Variants in BRINP1 observed in about 807,000 individuals in gnomAD.
BRINP1 encodes BMP/retinoic acid inducible neural specific 1.
In BRINP1, 17 loss-of-function variants were observed where a neutral mutation model predicts 72.9. That is an observed-to-expected ratio of 0.23 (90% CI 0.16 to 0.35). The LOEUF (loss-of-function observed/expected upper bound fraction) is 0.35. BRINP1 is among the 10% of genes least tolerant of loss of function. The probability of loss-of-function intolerance (pLI) is 1.00; values close to 1 mark genes in which losing one functional copy is unlikely to be tolerated. For missense variants in BRINP1, 850 were observed against 1,001.6 expected, an observed-to-expected ratio of 0.85 and a Z score of 2.04; for synonymous variants, 418 against 378.5, an observed-to-expected ratio of 1.10 and a Z score of -1.21.
At chr9:119,314,801 T>C (rs10984476) in intron 1 of BRINP1, among the ~76,000 whole-genome samples, 38,714 of 152,096 alleles carry the variant, frequency 0.25, 5,915 homozygotes, top group Non-Finnish European at 0.33. Context: ...TGGTTAATAA[T>C]AGCACCTACA....
At chr9:119,356,317 G>T (rs1426560465) in intron 1 of BRINP1, among the ~76,000 whole-genome samples, 1 of 152,108 alleles carries the variant, frequency 6.6e-6, no homozygotes, top group Non-Finnish European at 1.5e-5. Flanking sequence ...AGGCCATCTG[G>T]TCCACATGCA....
intron 7 of BRINP1, among the ~76,000 whole-genome samples, chr9:119,199,420 C>G (rs1264333975): frequency 2.0e-5 from 3 of 152,110 alleles, no homozygotes; most frequent in African/African-American, 7.2e-5. Flanking sequence ...ATGTTAAAAG[C>G]TGACATGAGT....
At chr9:119,232,290 C>A (rs1476149010) in intron 5 of BRINP1, among the ~76,000 whole-genome samples, 1 of 152,184 alleles carries the variant, frequency 6.6e-6, no homozygotes, top group Non-Finnish European at 1.5e-5. Flanking sequence ...CCACTGTGTT[C>A]TCTCACCTGG....
At chr9:119,174,830 A>T (rs1244838897) in intron 7 of BRINP1, among the ~76,000 whole-genome samples, 1 of 151,434 alleles carries the variant, frequency 6.6e-6, no homozygotes, top group Non-Finnish European at 1.5e-5. Context: ...ACATGGATGA[A>T]ATTGGAAATC....
At chr9:119,317,318 AG>A (rs1831135079) in intron 1 of BRINP1, among the ~76,000 whole-genome samples, 1 of 152,164 alleles carries the variant, frequency 6.6e-6, no homozygotes. Context: ...AATGATCATG[AG>A]GGGTTCAAGA....
chr9:119,307,133 G>T (rs529578979), intron 2 of BRINP1, among the ~76,000 whole-genome samples: 6 of 151,472 alleles, frequency 4.0e-5, no homozygotes, highest in Admixed American at 2.0e-4. Context: ...ATCCCTGCTT[G>T]CTACCCACGA....
intron 7 of BRINP1, among the ~76,000 whole-genome samples, chr9:119,175,222 A>G (rs1311309253): frequency 2.6e-5 from 4 of 152,156 alleles, no homozygotes; most frequent in Non-Finnish European, 4.4e-5. Flanking sequence ...TTGCACGGAC[A>G]TGGATTAAGC....
chr9:119,206,661 A>G (rs1829858615), intron 7 of BRINP1, among the ~76,000 whole-genome samples: 1 of 152,128 alleles, frequency 6.6e-6, no homozygotes, highest in Non-Finnish European at 1.5e-5. Context: ...TATGGCAACC[A>G]TCATAAACTA....
chr9:119,252,188 G>A (rs768720023), intron 2 of BRINP1, among the ~76,000 whole-genome samples: 3 of 152,104 alleles, frequency 2.0e-5, no homozygotes, highest in Non-Finnish European at 4.4e-5. Context: ...AACAGCTTCC[G>A]AGGAAATGAG....
intron 7 of BRINP1, among the ~76,000 whole-genome samples, chr9:119,170,227 C>G (rs1382024262): frequency 6.6e-6 from 1 of 151,706 alleles, no homozygotes; most frequent in Non-Finnish European, 1.5e-5. Flanking sequence ...AAGTTGAAAA[C>G]TTTAAAAAAA....
At chr9:119,213,229 C>G (rs1054751564) in intron 6 of BRINP1, among the ~76,000 whole-genome samples, 5 of 152,156 alleles carry the variant, frequency 3.3e-5, no homozygotes, top group African/African-American at 1.2e-4. Context: ...ACAGACGTAT[C>G]CTTGACATTT....
intron 6 of BRINP1, among the ~76,000 whole-genome samples, 181 bp from the exon 7 acceptor site, chr9:119,209,122 T>C (rs1313834295): frequency 6.6e-6 from 1 of 152,212 alleles, no homozygotes; most frequent in African/African-American, 2.4e-5. Flanking sequence ...CAAAAGCTAC[T>C]ATGCTTTCTT....
At chr9:119,318,800 T>G (rs1448009107) in intron 1 of BRINP1, among the ~76,000 whole-genome samples, 1 of 151,318 alleles carries the variant, frequency 6.6e-6, no homozygotes, top group African/African-American at 2.4e-5. Flanking sequence ...ACATTGCAGC[T>G]CTCAAAAGTG....
intron 2 of BRINP1, among the ~76,000 whole-genome samples, chr9:119,261,328 C>A (rs948375203): frequency 6.6e-6 from 1 of 152,158 alleles, no homozygotes; most frequent in African/African-American, 2.4e-5. Context: ...AATTGGACAT[C>A]TTTCAGTCAA....
rs905512875 is a variant in BRINP1 at position 119,179,793 on chromosome 9, C to T, written c.1146-11569G>A. ...TCCCTCAATGCCCATGCTCTATATT[C>T]CCTGCCCTCTAAACCCCCAACTGGA... is the stretch of plus-strand genomic sequence containing the variant. On this transcript the variant is annotated intron_variant, in intron 7 of 7. Transcript: ENST00000265922. 3.9e-5 allele frequency among the ~76,000 whole-genome samples: 6 copies of T among 152,282 alleles called. No homozygotes were observed. The South Asian group carries it at 8.3e-4, about 21-fold the overall frequency.
intron 1 of BRINP1, among the ~76,000 whole-genome samples, chr9:119,330,561 T>C (rs1454760647): frequency 6.6e-6 from 1 of 152,254 alleles, no homozygotes; most frequent in Admixed American, 6.5e-5. Flanking sequence ...TTTGTGTTTC[T>C]ATCTCATTCA....
At chr9:119,284,834 G>C (rs1336687610) in intron 2 of BRINP1, among the ~76,000 whole-genome samples, 2 of 152,026 alleles carry the variant, frequency 1.3e-5, no homozygotes, top group Admixed American at 1.3e-4. Flanking sequence ...AGGAAATTTG[G>C]GTTTAATATA....
chr9:119,222,632 G>A (rs1830051310), intron 5 of BRINP1, among the ~76,000 whole-genome samples: 2 of 152,038 alleles, frequency 1.3e-5, no homozygotes, highest in Non-Finnish European at 1.5e-5. Context: ...ACTAGGAAAG[G>A]CAAGGACACA....
At chr9:119,248,081 T>C (rs191645092) in intron 3 of BRINP1, among the ~76,000 whole-genome samples, 44 of 152,308 alleles carry the variant, frequency 2.9e-4, no homozygotes, top group Admixed American at 2.4e-3. Context: ...ACCACTCCAG[T>C]TGGTAGTGCT....
Sources: allele counts gnomAD v4.1 joint callset (sites outside exome capture counted in the v4.1 genomes callset), GRCh38; gene constraint gnomAD v4.1.1; transcripts MANE v1.5; gene names NCBI Gene and HGNC (gene_info 2026-07-23, HGNC 2026-07-21).